ELAVL4: variants seen among roughly 807,000 people sequenced by gnomAD.
ELAVL4 encodes the protein ELAV-like protein 4.
A neutral mutation model predicts 35.6 loss-of-function variants in ELAVL4; 1 was observed. That is an observed-to-expected ratio of 0.03 (90% CI 0.01 to 0.13). The LOEUF (loss-of-function observed/expected upper bound fraction) is 0.13, where lower values mean the gene tolerates loss of function less well. Among genes scored for constraint, ELAVL4 ranks in the 10% least tolerant of loss-of-function variants. The pLI is 1.00. For synonymous variants in ELAVL4, 156 were observed against 171.0 expected (o/e 0.91, Z 0.69); for missense variants, 267 against 464.9 (o/e 0.57, Z 3.91).
chr1:50,185,077 T>C (rs1399891402), intron 3 of ELAVL4, among the ~76,000 whole-genome samples: 1 of 152,246 alleles, frequency 6.6e-6, no homozygotes, highest in Non-Finnish European at 1.5e-5. Flanking sequence ...GAGAACATTT[T>C]CCTGATCCCA....
intron 2 of ELAVL4, among the ~76,000 whole-genome samples, chr1:50,164,968 A>C (rs1031159253): frequency 5.3e-5 from 8 of 152,136 alleles, no homozygotes; most frequent in Non-Finnish European, 1.2e-4. Context: ...TCTTGTTCCC[A>C]TGTTGCTCCC....
At chr1:50,066,652 T>C (rs1356609849) in intron 1 of ELAVL4, among the ~76,000 whole-genome samples, 1 of 152,168 alleles carries the variant, frequency 6.6e-6, no homozygotes, top group Non-Finnish European at 1.5e-5. Flanking sequence ...AGATAAAAAA[T>C]ACATGTAGTA....
chr1:50,167,729 G>T (rs1452972015), intron 2 of ELAVL4, among the ~76,000 whole-genome samples: 1 of 152,116 alleles, frequency 6.6e-6, no homozygotes. Flanking sequence ...AGGCTGAGTG[G>T]TGTCCACATA....
intron 3 of ELAVL4, among the ~76,000 whole-genome samples, chr1:50,179,310 T>G (rs191305368): frequency 1.0e-3 from 159 of 152,198 alleles, no homozygotes; most frequent in African/African-American, 3.6e-3. Flanking sequence ...CAAATGAAAA[T>G]TTAATGTGCA....
chr1:50,140,158 G>A (rs1044935487), intron 1 of ELAVL4, among the ~76,000 whole-genome samples: 2 of 152,210 alleles, frequency 1.3e-5, no homozygotes, highest in African/African-American at 4.8e-5. Flanking sequence ...GGAAAGGAGG[G>A]CAAGTCAGGG....
chr1:50,133,627 GAAAGAAAGAAAGAAAGAAAGAAAGAGAA>G (rs1182956052), intron 1 of ELAVL4, among the ~76,000 whole-genome samples: 2 of 149,002 alleles, frequency 1.3e-5, no homozygotes, highest in African/African-American at 5.0e-5. Flanking sequence ...AAGAAAGAAA[GAAAGAAAGAAAGAAAGAAAGAAAGAGAA>G]AGAAAGAAAG....
At chr1:50,148,161 GCTTGGTGATTTCC>G (rs1164519153) in intron 2 of ELAVL4, among the ~76,000 whole-genome samples, 12 of 152,204 alleles carry the variant, frequency 7.9e-5, no homozygotes, top group Admixed American at 7.9e-4. Flanking sequence ...GGAAACTGAA[GCTTGGTGATTTCC>G]CCAGGCAGCA....
In ELAVL4 at chr1:50,068,485, C is replaced by T. The variant is rs1572121953; in HGVS notation, c.18+20303C>T. 2.6e-5 allele frequency among the ~76,000 whole-genome samples: 4 copies of T among 152,158 alleles called. 1 individual carries two copies. Among genetic ancestry groups the T allele is most frequent in the South Asian group, 4.1e-4 (2 of 4,824 alleles). The stretch of plus-strand genomic sequence containing the variant: ...GTAGAGTGTAGAAGGGCTTCTGGCA[C>T]ACTGTTGTTAAAGCCTGGTCAACTG... On this transcript the variant is annotated intron_variant, in intron 1 of 6. Coordinates refer to the ELAVL4 transcript ENST00000448907.
intron 1 of ELAVL4, among the ~76,000 whole-genome samples, chr1:50,116,621 G>A (rs2148566472): frequency 6.6e-6 from 1 of 151,930 alleles, no homozygotes; most frequent in African/African-American, 2.4e-5. Context: ...CTTTGAAGAT[G>A]CAGCAGTAGT....
At chr1:50,187,669 A>G (rs1031681959) in intron 3 of ELAVL4, among the ~76,000 whole-genome samples, 9 of 152,248 alleles carry the variant, frequency 5.9e-5, no homozygotes, top group Admixed American at 4.6e-4. Context: ...ACTAGCACCT[A>G]TCAATGAGAC....
At chr1:50,151,833 G>T (rs901957101) in intron 2 of ELAVL4, among the ~76,000 whole-genome samples, 1 of 152,120 alleles carries the variant, frequency 6.6e-6, no homozygotes, top group Non-Finnish European at 1.5e-5. Context: ...CGGGAAGAGG[G>T]GGTTGGCTAT....
intron 1 of ELAVL4, among the ~76,000 whole-genome samples, chr1:50,053,699 T>TTA (rs1304912877): frequency 6.6e-6 from 1 of 152,180 alleles, no homozygotes; most frequent in Non-Finnish European, 1.5e-5. Flanking sequence ...TTGTAGCTGT[T>TTA]TAGGATGTAT....
chr1:50,088,890 AG>A (rs1201049520), intron 1 of ELAVL4, among the ~76,000 whole-genome samples: 7 of 148,322 alleles, frequency 4.7e-5, no homozygotes, highest in Non-Finnish European at 1.0e-4. Flanking sequence ...AGTGACTGCC[AG>A]GGTGTTTCAG....
At chr1:50,048,200 C>A (rs143333748) in intron 1 of ELAVL4, 2 of 1,515,332 alleles carry the variant, frequency 1.3e-6, no homozygotes, top group Non-Finnish European at 1.8e-6. Flanking sequence ...CGCCTCGGCG[C>A]AGGCCCCGCA....
chr1:50,144,887 T>C (rs1673418920), intron 1 of ELAVL4, 70 bp from the exon 2 acceptor site: 1 of 1,574,680 alleles, frequency 6.4e-7, no homozygotes, highest in Non-Finnish European at 8.6e-7. Context: ...AAAAAATTAA[T>C]AAACTTTTAA....
intron 1 of ELAVL4, among the ~76,000 whole-genome samples, chr1:50,066,802 A>G (rs1664285957): frequency 6.6e-6 from 1 of 152,132 alleles, no homozygotes; most frequent in South Asian, 2.1e-4. Flanking sequence ...CCTTAATCTT[A>G]GGTCAGTAGG....
intron 1 of ELAVL4, among the ~76,000 whole-genome samples, chr1:50,140,983 A>G (rs992996863): frequency 1.3e-5 from 2 of 152,304 alleles, no homozygotes; most frequent in East Asian, 1.9e-4. Flanking sequence ...TGGAGTCAAC[A>G]TAGATTAGGA....
chr1:50,081,312 A>G (rs1664994715), intron 1 of ELAVL4, among the ~76,000 whole-genome samples: 1 of 152,240 alleles, frequency 6.6e-6, no homozygotes, highest in African/African-American at 2.4e-5. Flanking sequence ...CTTCAAGAAT[A>G]CAGAATACCC....
upstream of ELAVL4, chr1:50,104,113 C>G: frequency 8.8e-7 from 1 of 1,138,364 alleles, no homozygotes; most frequent in Non-Finnish European, 1.3e-6. Flanking sequence ...TAAAAACCCG[C>G]TTCATCTTAT....
Sources: gnomAD v4.1 joint callset for allele counts (sites outside exome capture counted in the v4.1 genomes callset) on GRCh38, gnomAD v4.1.1 for gene constraint, MANE v1.5 for transcripts, NCBI Gene and HGNC (gene_info 2026-07-23, HGNC 2026-07-21) for gene names.